Variants in HDAC8 observed in about 807,000 individuals in gnomAD.
The protein encoded by HDAC8 is histone deacetylase 8.
HDAC8 carries 1 observed loss-of-function variant against 32.2 expected under a neutral mutation model. The ratio of observed to expected loss-of-function variants is 0.03; its 90% CI spans 0.01 to 0.15. The LOEUF (loss-of-function observed/expected upper bound fraction) is 0.15. Ranked by LOEUF, HDAC8 falls within the 10% of genes least tolerant of loss-of-function variation. The pLI is 1.00. For missense variants in HDAC8, 117 were observed against 300.0 expected (o/e 0.39, Z 4.51); for synonymous variants, 108 against 113.9 (o/e 0.95, Z 0.33).
chrX:72,376,970 T>C (rs1477015083), intron 9 of HDAC8: 1 of 110,774 alleles, frequency 9.0e-6, no homozygotes, highest in Non-Finnish European at 1.9e-5. Context: ...AATTTTTTTT[T>C]CTTATTGGGA....
chrX:72,491,032 A>T, intron 5 of HDAC8, 26 bp from the exon 6 acceptor site: 4 of 1,055,798 alleles, frequency 3.8e-6, no homozygotes, highest in Non-Finnish European at 5.3e-6. Flanking sequence ...ACATCAAAAG[A>T]ATCACTTCAC....
chrX:72,568,004 T>A lies in HDAC8; in HGVS notation c.322A>T (p.Ile108Leu). The change falls in exon 4 of 11, where the codon ATA becomes TTA. Residue 108 changes from isoleucine (I) to leucine (L), a missense_variant. This residue lies in a region of HDAC8 where 57 missense variants were observed against 182.0 expected (regional missense o/e 0.31). Transcript: ENST00000373573. ...LGYDCPATEG[I>L]FDYAAAIGGA... ...CCTATAGCTGCTGCATAGTCAAATATCCCTTCAGTGGCTGGGCAGTCATAA... is the reference window on the plus strand; with the variant it reads ...CCTATAGCTGCTGCATAGTCAAATAACCCTTCAGTGGCTGGGCAGTCATAA... 1 of 1,211,040 alleles carries A rather than the reference T, an allele frequency of 8.3e-7. No homozygotes were observed. Among genetic ancestry groups the A allele is most frequent in the Non-Finnish European group, 1.1e-6 (1 of 895,342 alleles).
intron 7 of HDAC8, among the ~76,000 whole-genome samples, chrX:72,469,737 C>T (rs1293205679): frequency 8.9e-6 from 1 of 112,055 alleles, no homozygotes; most frequent in Admixed American, 9.5e-5. Context: ...GGGCCACACA[C>T]TCTCTACAGC....
intron 9 of HDAC8, among the ~76,000 whole-genome samples, chrX:72,356,025 T>C: frequency 8.9e-6 from 1 of 112,172 alleles, no homozygotes; most frequent in Non-Finnish European, 1.9e-5. Flanking sequence ...ACCTAAAGTG[T>C]CTAAGCATTT....
At position 72,499,830 on chromosome X, in the gene HDAC8, T is replaced by C. The variant is rs536290857; in HGVS notation, c.438-4562A>G. On this transcript the variant is annotated intron_variant, in intron 4 of 10. Coordinates refer to ENST00000373573, the MANE Select transcript of HDAC8 (RefSeq NM_018486.3). ...GAGACATGAAAAACCTTTCAAAAGA[T>C]TGATGAATGCAAAAGTTAGATTTTT... 1.4e-3 allele frequency among the ~76,000 whole-genome samples: 156 copies of C among 111,485 alleles called. No individual in the cohort carries two copies. In the Middle Eastern group the frequency reaches 0.023, roughly 16 times the overall value.
intron 9 of HDAC8, among the ~76,000 whole-genome samples, chrX:72,406,149 G>A (rs2046032653): frequency 2.7e-5 from 3 of 111,670 alleles, no homozygotes; most frequent in African/African-American, 9.8e-5. Context: ...CATGAGGTCT[G>A]GGAGGGGTAC....
intron 9 of HDAC8, among the ~76,000 whole-genome samples, chrX:72,405,791 A>G (rs782215195): frequency 7.2e-5 from 8 of 111,533 alleles, no homozygotes; most frequent in Non-Finnish European, 1.1e-4. Flanking sequence ...AATTTTTTTC[A>G]GACCTATTTT....
intron 1 of HDAC8, 31 bp from the exon 2 acceptor site, chrX:72,572,140 A>T (rs1269412650): frequency 3.5e-6 from 4 of 1,130,769 alleles, no homozygotes; most frequent in Non-Finnish European, 4.7e-6. Context: ...AAAAAAAAAG[A>T]AAAGCAGAAA....
At chrX:72,500,540 T>C (rs1296083384) in intron 4 of HDAC8, among the ~76,000 whole-genome samples, 1 of 111,755 alleles carries the variant, frequency 8.9e-6, no homozygotes, top group African/African-American at 3.3e-5. Context: ...CATGATCATC[T>C]CAATAGACGC....
At chrX:72,562,447 G>A (rs940484210) in intron 4 of HDAC8, among the ~76,000 whole-genome samples, 2 of 111,759 alleles carry the variant, frequency 1.8e-5, no homozygotes, top group East Asian at 2.8e-4. Flanking sequence ...ACCAAACGTC[G>A]TATGTTCTCA....
intron 9 of HDAC8, among the ~76,000 whole-genome samples, chrX:72,364,358 TGGTGTTGTAATCAC>T (rs2044639169): frequency 9.0e-6 from 1 of 111,545 alleles, no homozygotes; most frequent in Admixed American, 9.6e-5. Context: ...CGCCCTCTGT[TGGTGTTGTAATCAC>T]GCCTATGTGG....
chrX:72,341,087 T>C (rs2043875696), intron 10 of HDAC8, among the ~76,000 whole-genome samples: 1 of 111,639 alleles, frequency 9.0e-6, no homozygotes, highest in Non-Finnish European at 1.9e-5. Flanking sequence ...TGCTCTGTGA[T>C]CATTCAGCAT....
intron 9 of HDAC8, among the ~76,000 whole-genome samples, chrX:72,450,311 T>G: frequency 8.9e-6 from 1 of 112,346 alleles, no homozygotes; most frequent in Admixed American, 9.5e-5. Context: ...GTCTCTGTGA[T>G]AATGGAACAG....
intron 4 of HDAC8, among the ~76,000 whole-genome samples, chrX:72,544,777 T>G (rs958242909): frequency 8.9e-6 from 1 of 112,014 alleles, no homozygotes; most frequent in African/African-American, 3.2e-5. Context: ...TGGATAGTGA[T>G]TACACTAAGG....
chrX:72,359,092 C>T (rs1425947069), intron 9 of HDAC8, among the ~76,000 whole-genome samples: 5 of 104,049 alleles, frequency 4.8e-5, no homozygotes, highest in South Asian at 4.5e-4. Context: ...GAGTTTGATA[C>T]GGGGGTAGGG....
rs2051043296 is a variant in HDAC8, at chrX:72,550,868, C to T, written c.437+17021G>A. 2.7e-5 allele frequency among the ~76,000 whole-genome samples: 3 copies of T among 110,994 alleles called. No homozygotes were observed. In the Admixed American group the frequency reaches 2.9e-4, roughly 11 times the overall value. ...ATGGCCTTTTGTGCAGTACCAACTG[C>T]CCTCAAGTGTTTGCTAATGAACTGA... On this transcript the variant is annotated intron_variant, in intron 4 of 10. Transcript: ENST00000373573.
At chrX:72,414,935 C>T (rs144341953) in intron 9 of HDAC8, among the ~76,000 whole-genome samples, 1,960 of 111,996 alleles carry the variant, frequency 0.018, 28 homozygotes, top group Non-Finnish European at 0.03. Context: ...TTCCTAGGTT[C>T]CTTGATCCTG....
At chrX:72,436,018 C>T (rs1159317892) in intron 9 of HDAC8, among the ~76,000 whole-genome samples, 4 of 109,468 alleles carry the variant, frequency 3.7e-5, no homozygotes, top group Admixed American at 9.7e-5. Context: ...CAGCAATCAC[C>T]CAATCTAGAC....
intron 9 of HDAC8, among the ~76,000 whole-genome samples, chrX:72,436,424 C>T (rs185735018): frequency 3.4e-4 from 38 of 111,057 alleles, no homozygotes; most frequent in South Asian, 7.7e-4. Flanking sequence ...TTTTTAAGTG[C>T]GGAAAGAAAA....
Sources: allele counts gnomAD v4.1 joint callset (sites outside exome capture counted in the v4.1 genomes callset), GRCh38; gene constraint gnomAD v4.1.1; regional missense constraint gnomAD v4.1.1; transcripts MANE v1.5; gene names NCBI Gene and HGNC (gene_info 2026-07-23, HGNC 2026-07-21).